The following ZNF567 variants were observed in gnomAD, a reference collection of about 807,000 sequenced individuals.
ZNF567 encodes zinc finger protein 567.
A neutral mutation model predicts 53.9 loss-of-function variants in ZNF567; 36 were observed. The ratio of observed to expected loss-of-function variants is 0.67; its 90% CI spans 0.51 to 0.88. The LOEUF (loss-of-function observed/expected upper bound fraction) is 0.88, where lower values mean the gene tolerates loss of function less well. Ranked by LOEUF, ZNF567 falls within the 40% of genes least tolerant of loss-of-function variation. The pLI is 0.00. For missense variants in ZNF567, 619 were observed against 764.7 expected, an observed-to-expected ratio of 0.81 and a Z score of 2.25; for synonymous variants, 224 against 260.4, an observed-to-expected ratio of 0.86 and a Z score of 1.35.
At chr19:36,667,654 T>C in the ZNF567 span, among the ~76,000 whole-genome samples, 1 of 151,092 alleles carries the variant, frequency 6.6e-6, no homozygotes, top group South Asian at 2.1e-4. Flanking sequence ...CTTTTTTTTT[T>C]TCTTTTTTTT....
At chr19:36,692,382 T>A (rs550232534) in intron 2 of ZNF567, among the ~76,000 whole-genome samples, 1 of 152,336 alleles carries the variant, frequency 6.6e-6, no homozygotes, top group Non-Finnish European at 1.5e-5. Context: ...TTTTTGTTTT[T>A]ATTTTTTAGA....
intron 5 of ZNF567, among the ~76,000 whole-genome samples, chr19:36,713,125 T>A (rs569547653): frequency 7.9e-4 from 120 of 152,016 alleles, no homozygotes; most frequent in African/African-American, 2.8e-3. Flanking sequence ...CTGGACAGCA[T>A]AGCAAGACCC....
At chr19:36,689,966 T>A (rs1412466282) in intron 2 of ZNF567, among the ~76,000 whole-genome samples, 5 of 152,212 alleles carry the variant, frequency 3.3e-5, no homozygotes, top group African/African-American at 4.8e-5. Flanking sequence ...AAGGAGGAGT[T>A]TAATGATAGC....
the ZNF567 span, among the ~76,000 whole-genome samples, chr19:36,679,490 A>C: frequency 3.3e-5 from 5 of 152,216 alleles, no homozygotes; most frequent in Non-Finnish European, 7.3e-5. Context: ...CAGCAACCCC[A>C]CAAGGAATTG....
chr19:36,667,867 T>C, the ZNF567 span, among the ~76,000 whole-genome samples: 1 of 151,930 alleles, frequency 6.6e-6, no homozygotes, highest in African/African-American at 2.4e-5. Context: ...GCCAGGATGG[T>C]CTCGATCTCC....
chr19:36,682,106 T>C, the ZNF567 span, among the ~76,000 whole-genome samples: 1 of 151,870 alleles, frequency 6.6e-6, no homozygotes, highest in Non-Finnish European at 1.5e-5. Flanking sequence ...TGAGACCCCA[T>C]CTCTATAAAT....
At chr19:36,677,608 A>T in the ZNF567 span, among the ~76,000 whole-genome samples, 1 of 151,600 alleles carries the variant, frequency 6.6e-6, no homozygotes, top group Non-Finnish European at 1.5e-5. Flanking sequence ...CTCTACTAAA[A>T]ATACAAAAGT....
chr19:36,698,695 A>C (rs1444108530), intron 3 of ZNF567, among the ~76,000 whole-genome samples: 2 of 151,600 alleles, frequency 1.3e-5, no homozygotes, highest in East Asian at 1.9e-4. Context: ...GCATTTTTTC[A>C]TGTGTCTTTT....
chr19:36,697,018 A>C (rs1236392868), intron 3 of ZNF567, among the ~76,000 whole-genome samples: 2 of 152,222 alleles, frequency 1.3e-5, no homozygotes, highest in African/African-American at 4.8e-5. Flanking sequence ...AAAGTGCCTT[A>C]GAGGAATGTA....
At chr19:36,709,777 G>T (rs1337054498) in intron 3 of ZNF567, among the ~76,000 whole-genome samples, 1 of 152,166 alleles carries the variant, frequency 6.6e-6, no homozygotes, top group East Asian at 1.9e-4. Flanking sequence ...TAGTATTTTT[G>T]ATGGTGCATT....
chr19:36,704,009 C>G (rs889652595), intron 3 of ZNF567, among the ~76,000 whole-genome samples: 3 of 152,260 alleles, frequency 2.0e-5, no homozygotes, highest in Non-Finnish European at 4.4e-5. Flanking sequence ...GCAGAAATCA[C>G]CTGTCTTCTG....
At chr19:36,678,948 G>A in the ZNF567 span, among the ~76,000 whole-genome samples, 181 of 151,756 alleles carry the variant, frequency 1.2e-3, no homozygotes, top group East Asian at 0.018. Flanking sequence ...GCACATATAC[G>A]AAAAATGCTA....
the ZNF567 span, among the ~76,000 whole-genome samples, chr19:36,673,511 A>C: frequency 2.0e-5 from 3 of 152,322 alleles, no homozygotes; most frequent in South Asian, 6.2e-4. Flanking sequence ...ACAAAGGCTA[A>C]TGTCTGAGCA....
chr19:36,687,960 C>CGTGTGT (rs138621038), intron 1 of ZNF567, among the ~76,000 whole-genome samples: 1 of 150,772 alleles, frequency 6.6e-6, no homozygotes, highest in African/African-American at 2.4e-5. Flanking sequence ...ACAGGCGCTC[C>CGTGTGT]GTGTGTGTGT....
At chr19:36,687,062 C>G (rs146934415), upstream of ZNF567, among the ~76,000 whole-genome samples, 284 of 152,254 alleles carry the variant, frequency 1.9e-3, no homozygotes, top group African/African-American at 6.1e-3. Flanking sequence ...ACCCCTCAGT[C>G]CCAACATTAA....
At chr19:36,679,420 C>T in the ZNF567 span, among the ~76,000 whole-genome samples, 2 of 152,154 alleles carry the variant, frequency 1.3e-5, no homozygotes, top group Non-Finnish European at 2.9e-5. Context: ...TTACTACAGC[C>T]ATTTTGGGAA....
chr19:36,679,166 G>T, the ZNF567 span, among the ~76,000 whole-genome samples: 4 of 151,968 alleles, frequency 2.6e-5, no homozygotes, highest in African/African-American at 9.7e-5. Flanking sequence ...CGCACCTGTC[G>T]TCCCAGATAC....
chr19:36,725,540 C>T (rs991887007), downstream of ZNF567, among the ~76,000 whole-genome samples: 14 of 152,150 alleles, frequency 9.2e-5, no homozygotes, highest in African/African-American at 2.4e-4. Context: ...CAATGTGTTA[C>T]GGTGTTACGT....
In ZNF567 at chr19:36,720,542, A is replaced by G. The variant is rs769827543; in HGVS notation, c.1818A>G (p.Val606=). ...TCCGCCAGAAGACAAATCTTATTGT[A>G]CATCAGAGAACTCACACAGGTGAGA... ...KCFRQKTNLI[V]HQRTHTGEKP... is the part of the protein sequence containing the mutation. The change falls in exon 6 of 6, where the codon GTA becomes GTG. Residue 606 remains valine, a synonymous_variant. Transcript: ENST00000682579. The G allele has an allele frequency of 9.3e-6, 15 of 1,613,976 alleles. No homozygotes were observed. In the South Asian group the frequency reaches 1.3e-4, roughly 14 times the overall value.
Sources: allele counts gnomAD v4.1 joint callset (sites outside exome capture counted in the v4.1 genomes callset), GRCh38; gene constraint gnomAD v4.1.1; transcripts MANE v1.5; gene names NCBI Gene and HGNC (gene_info 2026-07-23, HGNC 2026-07-21).